Variants in TBC1D5 observed in about 807,000 individuals in gnomAD.
TBC1D5 encodes the protein TBC1 domain family, member 5.
TBC1D5 carries 75 observed loss-of-function variants against 100.3 expected under a neutral mutation model. The ratio of observed to expected loss-of-function variants is 0.75; its 90% confidence interval spans 0.62 to 0.91. The LOEUF (loss-of-function observed/expected upper bound fraction) is 0.91, where lower values mean the gene tolerates loss of function less well. Ranked by LOEUF, TBC1D5 falls within the 40% of genes least tolerant of loss-of-function variation. TBC1D5 has a pLI of 0.00. For missense variants in TBC1D5, 910 were observed against 942.4 expected (o/e 0.97, Z 0.45); for synonymous variants, 323 against 325.6 (o/e 0.99, Z 0.09).
intron 1 of TBC1D5, among the ~76,000 whole-genome samples, chr3:17,736,019 T>C (rs1428241663): frequency 6.6e-6 from 1 of 152,230 alleles, no homozygotes; most frequent in Admixed American, 6.5e-5. Flanking sequence ...TCAGGCAATA[T>C]ACGATTTGAC....
intron 2 of TBC1D5, among the ~76,000 whole-genome samples, chr3:17,582,512 A>G (rs186173069): frequency 6.6e-6 from 1 of 152,314 alleles, no homozygotes; most frequent in East Asian, 1.9e-4. Context: ...ACTCAGTAGT[A>G]TAGTGAAAAG....
intron 3 of TBC1D5, among the ~76,000 whole-genome samples, chr3:17,478,013 T>C (rs2095458504): frequency 6.6e-6 from 1 of 152,086 alleles, no homozygotes. Flanking sequence ...TCTAGAAATG[T>C]GATTGAAATT....
chr3:17,317,829 G>A (rs149804569), intron 13 of TBC1D5, among the ~76,000 whole-genome samples: 1,874 of 152,120 alleles, frequency 0.012, 38 homozygotes, highest in African/African-American at 0.043. Flanking sequence ...CGATTCCTCA[G>A]GGATCTAGAA....
At chr3:17,420,125 AGG>A (rs2094173699) in intron 4 of TBC1D5, among the ~76,000 whole-genome samples, 2 of 151,992 alleles carry the variant, frequency 1.3e-5, no homozygotes, top group African/African-American at 4.8e-5. Context: ...TTGGGTCTTG[AGG>A]GTTTAGCACA....
intron 17 of TBC1D5, among the ~76,000 whole-genome samples, chr3:17,214,663 T>C: frequency 6.6e-6 from 1 of 151,914 alleles, no homozygotes; most frequent in East Asian, 1.9e-4. Context: ...AATCAAAGTT[T>C]CAGTAAACAA....
chr3:17,582,128 T>C (rs538555257), intron 2 of TBC1D5, among the ~76,000 whole-genome samples: 1 of 152,334 alleles, frequency 6.6e-6, no homozygotes, highest in Admixed American at 6.5e-5. Flanking sequence ...ATATTTTATT[T>C]ATTTATGCTG....
At chr3:17,208,975 G>GTGT (rs2072599207) in intron 18 of TBC1D5, among the ~76,000 whole-genome samples, 1 of 152,138 alleles carries the variant, frequency 6.6e-6, no homozygotes, top group Non-Finnish European at 1.5e-5. Context: ...ACTTACATAA[G>GTGT]TGTTAATAGA....
chr3:17,404,722 A>G (rs979391897), exon 7 of TBC1D5: 19 of 1,607,320 alleles, frequency 1.2e-5, no homozygotes, highest in Non-Finnish European at 1.6e-5. Flanking sequence ...AGGATTATTG[A>G]TCATCAAATC....
At chr3:17,436,356 C>T (rs573284673) in intron 3 of TBC1D5, among the ~76,000 whole-genome samples, 1 of 152,194 alleles carries the variant, frequency 6.6e-6, no homozygotes, top group East Asian at 1.9e-4. Context: ...AGTTAGCTAT[C>T]ATTTTTATTA....
chr3:17,215,942 C>T (rs770957583), intron 17 of TBC1D5, among the ~76,000 whole-genome samples: 11 of 152,120 alleles, frequency 7.2e-5, no homozygotes, highest in Admixed American at 1.3e-4. Context: ...ATTACACTGA[C>T]GCTTCCTCTG....
chr3:17,207,775 T>G (rs2072417507), intron 18 of TBC1D5, among the ~76,000 whole-genome samples: 1 of 152,246 alleles, frequency 6.6e-6, no homozygotes, highest in South Asian at 2.1e-4. Context: ...CAATAATTTC[T>G]CAAAACCGTT....
intron 21 of TBC1D5, among the ~76,000 whole-genome samples, chr3:17,164,095 T>A (rs2066355647): frequency 6.6e-6 from 1 of 152,168 alleles, no homozygotes; most frequent in South Asian, 2.1e-4. Context: ...CTCTATAGAA[T>A]ACAATTTCAC....
At chr3:17,525,256 A>G (rs1036481597) in intron 2 of TBC1D5, among the ~76,000 whole-genome samples, 4 of 152,034 alleles carry the variant, frequency 2.6e-5, no homozygotes, top group Admixed American at 2.6e-4. Context: ...CAGCCTCCCA[A>G]GTAGCTGGGA....
intron 2 of TBC1D5, among the ~76,000 whole-genome samples, chr3:17,556,215 A>G (rs531059940): frequency 6.6e-6 from 1 of 152,200 alleles, no homozygotes; most frequent in African/African-American, 2.4e-5. Flanking sequence ...ACAGGGTTTC[A>G]CCATGTTGGC....
rs879589846 is a variant in TBC1D5, at chr3:17,285,059, T to TA, written c.1245+6835dup. Among the ~76,000 whole-genome samples, 975 of 136,662 alleles carry TA rather than the reference T, an allele frequency of 7.1e-3. 5 individuals carry two copies. The highest frequency in any genetic ancestry group is 9.9e-3 in the Admixed American group (136 of 13,676). The allele number at this position is 136,662 out of a possible 152,430, so 89.7% of individuals were successfully genotyped here. ...TCTAAGAAATGCCCAGTTTTGGGAGTAAAAAAAAAAAAAGATGAAAATAGG... is the reference window on the plus strand; with the variant it reads ...TCTAAGAAATGCCCAGTTTTGGGAGTAAAAAAAAAAAAAAGATGAAAATAGG... On this transcript the variant is annotated intron_variant, in intron 15 of 21. Transcript: ENST00000253692.
chr3:17,455,530 A>ATATATG (rs1553764168), intron 3 of TBC1D5, among the ~76,000 whole-genome samples: 1 of 143,346 alleles, frequency 7.0e-6, no homozygotes, highest in African/African-American at 2.7e-5. Context: ...ATATATATAT[A>ATATATG]TGTGTGTGTG....
At position 17,677,127 on chromosome 3, in the gene TBC1D5, A is replaced by G. The variant is rs577232742; in HGVS notation, c.-100-53214T>C. On this transcript the variant is annotated intron_variant, in intron 1 of 21. Transcript: ENST00000253692. ...CAAGTCTAAAACACCAAAAGCAATG[A>G]CAACAAAAGCCAAAACTGACAAATG... Among the ~76,000 whole-genome samples the G allele has an allele frequency of 2.8e-4, 43 of 152,196 alleles. 1 individual carries two copies. The South Asian group carries it at 8.1e-3, about 29-fold the overall frequency.
chr3:17,200,758 C>T (rs957632689), intron 18 of TBC1D5, among the ~76,000 whole-genome samples: 3 of 152,318 alleles, frequency 2.0e-5, no homozygotes, highest in Admixed American at 1.3e-4. Flanking sequence ...TGTAACATCA[C>T]GGCTGAATAG....
chr3:17,589,599 T>G (rs947083025), intron 2 of TBC1D5, among the ~76,000 whole-genome samples: 1 of 152,234 alleles, frequency 6.6e-6, no homozygotes, highest in African/African-American at 2.4e-5. Flanking sequence ...CCCAGCCACA[T>G]GGAACTGCAA....
Sources: gnomAD v4.1 joint callset for allele counts (sites outside exome capture counted in the v4.1 genomes callset) on GRCh38, gnomAD v4.1.1 for gene constraint, MANE v1.5 for transcripts, NCBI Gene and HGNC (gene_info 2026-07-23, HGNC 2026-07-21) for gene names.